The following ZNF560 variants were observed in gnomAD, a reference collection of about 807,000 sequenced individuals.
ZNF560 encodes the protein zinc finger protein 560.
Under a neutral mutation model 81.8 loss-of-function variants are expected in ZNF560, and 54 were observed. The observed-to-expected ratio is 0.66, with a 90% CI of 0.53 to 0.83. ZNF560 has a LOEUF of 0.83. Among genes scored for constraint, ZNF560 ranks in the 40% least tolerant of loss-of-function variants. The pLI is 0.00. For missense variants in ZNF560, 940 were observed against 932.4 expected, an observed-to-expected ratio of 1.01 and a Z score of -0.11; for synonymous variants, 321 against 317.9, an observed-to-expected ratio of 1.01 and a Z score of -0.10.
chr19:9,485,904 T>C (rs972550639), intron 2 of ZNF560, among the ~76,000 whole-genome samples: 1 of 152,168 alleles, frequency 6.6e-6, no homozygotes, highest in Non-Finnish European at 1.5e-5. Context: ...AGGGATCAAG[T>C]ACTCCTTCCA....
chr19:9,474,443 C>G, intron 3 of ZNF560, 118 bp from the exon 4 acceptor site: 1 of 1,156,664 alleles, frequency 8.6e-7, no homozygotes, highest in Non-Finnish European at 1.2e-6. Context: ...CATTATCTAC[C>G]CAAAGCTTAA....
At chr19:9,446,484 G>A in the ZNF560 span, among the ~76,000 whole-genome samples, 1 of 151,956 alleles carries the variant, frequency 6.6e-6, no homozygotes, top group African/African-American at 2.4e-5. Flanking sequence ...ATCCACGTTA[G>A]GGGGTTTACC....
the ZNF560 span, among the ~76,000 whole-genome samples, chr19:9,458,020 G>T: frequency 5.3e-5 from 8 of 152,212 alleles, no homozygotes; most frequent in Non-Finnish European, 8.8e-5. Flanking sequence ...TCAAGAGCGA[G>T]ATCTTGTGGC....
intron 2 of ZNF560, among the ~76,000 whole-genome samples, chr19:9,477,537 C>T (rs768961920): frequency 2.0e-5 from 3 of 152,208 alleles, no homozygotes; most frequent in African/African-American, 7.2e-5. Flanking sequence ...ACTCTGGTTG[C>T]TTCAACAGGG....
chr19:9,499,576 T>C (rs7250949), upstream of ZNF560, among the ~76,000 whole-genome samples: 7,331 of 152,280 alleles, frequency 0.048, 606 homozygotes, highest in African/African-American at 0.17. Flanking sequence ...CAAAGCCTCC[T>C]GTACTACTTT....
At chr19:9,495,133 C>CGAA (rs1599684214) in intron 2 of ZNF560, among the ~76,000 whole-genome samples, 1 of 151,970 alleles carries the variant, frequency 6.6e-6, no homozygotes, top group East Asian at 1.9e-4. Context: ...GAGCAAGACT[C>CGAA]TATCACCAAA....
chr19:9,447,133 C>CAAAA, the ZNF560 span, among the ~76,000 whole-genome samples: 452 of 80,706 alleles, frequency 5.6e-3, 6 homozygotes, highest in South Asian at 0.011. Context: ...GACTCCGTCA[C>CAAAA]AAAAAAAAAA....
upstream of ZNF560, among the ~76,000 whole-genome samples, chr19:9,500,052 C>CTTTTA (rs1237100882): frequency 1.3e-5 from 2 of 152,094 alleles, no homozygotes; most frequent in African/African-American, 4.8e-5. Flanking sequence ...ATTGAGAAAC[C>CTTTTA]TTTTATTTTA....
downstream of ZNF560, among the ~76,000 whole-genome samples, chr19:9,462,480 G>C (rs2072947835): frequency 6.6e-6 from 1 of 152,132 alleles, no homozygotes; most frequent in African/African-American, 2.4e-5. Context: ...CTCTGTTCGA[G>C]GCTCTCAGCT....
At chr19:9,500,499 C>T (rs1051169761), upstream of ZNF560, among the ~76,000 whole-genome samples, 1 of 151,768 alleles carries the variant, frequency 6.6e-6, no homozygotes, top group South Asian at 2.1e-4. Context: ...TTCAGGCATT[C>T]ACTATTGAAT....
chr19:9,498,433 G>C (rs767523338), intron 1 of ZNF560, 105 bp downstream of exon 1: 1 of 152,386 alleles, frequency 6.6e-6, no homozygotes, highest in African/African-American at 2.4e-5. Context: ...CTCCTGTGGA[G>C]TGGTCCAGGC....
At chr19:9,465,334 TTGGCCTGGA>T (rs573459481), downstream of ZNF560, among the ~76,000 whole-genome samples, 28 of 152,310 alleles carry the variant, frequency 1.8e-4, no homozygotes, top group Middle Eastern at 3.4e-3. Flanking sequence ...TTTCACCATG[TTGGCCTGGA>T]TGGCCTGGAT....
rs540297846 is a variant in ZNF560, at chr19:9,478,544, G to A, written c.-56-3175C>T. On this transcript the variant is annotated intron_variant, in intron 2 of 9. Coordinates refer to ENST00000301480, the MANE Select transcript of ZNF560 (RefSeq NM_152476.3). ...GTTTATAAATGAATTATATCCTTAC[G>A]ATGAAGGTTAAGAGATAAAAGTATT... Among the ~76,000 whole-genome samples, 11 of 152,202 alleles carry A rather than the reference G, an allele frequency of 7.2e-5. No individual in the cohort carries two copies. The South Asian group carries it at 1.0e-3, about 14-fold the overall frequency.
At chr19:9,504,729 G>C in the ZNF560 span, among the ~76,000 whole-genome samples, 1 of 152,262 alleles carries the variant, frequency 6.6e-6, no homozygotes, top group Non-Finnish European at 1.5e-5. Flanking sequence ...TTTGGGGTCT[G>C]TTTTTGGTGC....
At chr19:9,447,133 C>CAAA in the ZNF560 span, among the ~76,000 whole-genome samples, 4,388 of 80,710 alleles carry the variant, frequency 0.054, 178 homozygotes, top group African/African-American at 0.1. Flanking sequence ...GACTCCGTCA[C>CAAA]AAAAAAAAAA....
intron 2 of ZNF560, among the ~76,000 whole-genome samples, chr19:9,494,287 G>A (rs141515137): frequency 2.0e-5 from 3 of 152,272 alleles, no homozygotes; most frequent in East Asian, 1.9e-4. Flanking sequence ...GGGCACATGT[G>A]GATGCTGACT....
chr19:9,497,127 C>CA (rs936550036), intron 2 of ZNF560, among the ~76,000 whole-genome samples: 115 of 134,816 alleles, frequency 8.5e-4, no homozygotes, highest in South Asian at 2.4e-3. Context: ...AAAAAACTCT[C>CA]AAAAAAAAAA....
chr19:9,478,790 A>G (rs1011493288), intron 2 of ZNF560, among the ~76,000 whole-genome samples: 1 of 152,170 alleles, frequency 6.6e-6, no homozygotes, highest in African/African-American at 2.4e-5. Flanking sequence ...TAAAAAGTAA[A>G]GAATCAAAAG....
chr19:9,480,721 A>G (rs1052927641), intron 2 of ZNF560, among the ~76,000 whole-genome samples: 1 of 151,854 alleles, frequency 6.6e-6, no homozygotes, highest in Admixed American at 6.6e-5. Flanking sequence ...AAAAGGATCA[A>G]CTGAGCCCAG....
Sources: gnomAD v4.1 joint callset for allele counts (sites outside exome capture counted in the v4.1 genomes callset) on GRCh38, gnomAD v4.1.1 for gene constraint, MANE v1.5 for transcripts, NCBI Gene and HGNC (gene_info 2026-07-23, HGNC 2026-07-21) for gene names.